UBXN6: variants seen among roughly 807,000 people sequenced by gnomAD.
The protein encoded by UBXN6 is UBX domain protein 6, also known as UBX domain-containing protein 6.
UBXN6 carries 44 observed loss-of-function variants against 51.4 expected under a neutral mutation model. The observed-to-expected ratio is 0.86, with a 90% CI of 0.67 to 1.10. The LOEUF is 1.10. Ranked by LOEUF, UBXN6 falls within the 50% of genes least tolerant of loss-of-function variation. The pLI is 0.00. For missense variants in UBXN6, 672 were observed against 596.1 expected (o/e 1.13, Z -1.32); for synonymous variants, 316 against 263.2 (o/e 1.20, Z -1.94).
At chr19:4,455,220 C>G in intron 1 of UBXN6, 1 of 985,540 alleles carries the variant, frequency 1.0e-6, no homozygotes, top group Non-Finnish European at 1.2e-6. Context: ...CATGAACTTA[C>G]GGGCTGTGTC....
intron 6 of UBXN6, chr19:4,447,168 C>G: frequency 1.7e-6 from 1 of 593,058 alleles, no homozygotes; most frequent in East Asian, 2.8e-5. Flanking sequence ...GCTGAGGAGC[C>G]AGACACTGCT....
chr19:4,449,699 A>G (rs1974615430), intron 4 of UBXN6: 1 of 152,316 alleles, frequency 6.6e-6, no homozygotes, highest in Admixed American at 6.5e-5. Flanking sequence ...ACGAAGGAAC[A>G]GCAGCCAGGA....
chr19:4,453,197 G>A (rs1974683363), intron 3 of UBXN6, among the ~76,000 whole-genome samples: 1 of 152,160 alleles, frequency 6.6e-6, no homozygotes, highest in South Asian at 2.1e-4. Context: ...AACTGCATCT[G>A]CCCTTAAGGG....
Position 4,453,994 on chromosome 19 carries a change from G to C in UBXN6, c.183C>G (p.Ala61=). The C allele has an allele frequency of 1.2e-6, 2 of 1,610,406 alleles. No homozygotes were observed. Among genetic ancestry groups the C allele is most frequent in the South Asian group, 1.1e-5 (1 of 90,956 alleles). The change falls in exon 2 of 11, where the codon GCC becomes GCG. Residue 61 remains alanine, a synonymous_variant. Transcript: ENST00000301281. The part of the protein sequence containing the change: ...EAQMAAAAAL[A]RLEQKQSRAW... ...CCCGGGACTGCTTCTGCTCCAGCCGGGCTAGGGCGGCAGCGGCTGCCATCT... is the reference window on the plus strand; with the variant it reads ...CCCGGGACTGCTTCTGCTCCAGCCGCGCTAGGGCGGCAGCGGCTGCCATCT...
chr19:4,447,767 G>A, intron 5 of UBXN6, 142 bp from the exon 6 acceptor site: 1 of 789,202 alleles, frequency 1.3e-6, no homozygotes, highest in East Asian at 2.6e-5. Context: ...CGCGAGGGCA[G>A]CAGACCATCT....
intron 4 of UBXN6, among the ~76,000 whole-genome samples, chr19:4,451,662 A>G (rs1974655812): frequency 6.6e-6 from 1 of 151,658 alleles, no homozygotes; most frequent in Admixed American, 6.6e-5. Flanking sequence ...TTTGAGATGG[A>G]GTTTTGCTCT....
rs141958598 is a variant in UBXN6, at chr19:4,454,951, G to C, written c.84-858C>G. 1.6e-3 allele frequency: 252 copies of C among 152,934 alleles called. 1 individual carries two copies. Among genetic ancestry groups the C allele is most frequent in the Non-Finnish European group, 2.6e-3 (179 of 68,576 alleles). 9.5% of individuals were successfully genotyped at this position (152,934 alleles called of 1,614,324 possible). ...AGGAAGTCCGGGCGATGTGCCCCATGCCACGCCACCCTCGTGGCGGGACCC... is the reference window on the plus strand; with the variant it reads ...AGGAAGTCCGGGCGATGTGCCCCATCCCACGCCACCCTCGTGGCGGGACCC... On this transcript the variant is annotated intron_variant, in intron 1 of 10. Coordinates refer to ENST00000301281, the MANE Select transcript of UBXN6 (RefSeq NM_025241.3).
In UBXN6 at chr19:4,445,473, G is replaced by C. The variant is rs370440061; in HGVS notation, c.*25C>G. ...GGGAGAGCATGAGACAGACCCACAGGGCTGAGGCCAACCCTGCTTTTATTT... is the reference window on the plus strand; with the variant it reads ...GGGAGAGCATGAGACAGACCCACAGCGCTGAGGCCAACCCTGCTTTTATTT... On this transcript the variant is annotated 3_prime_UTR_variant, in exon 11 of 11. Coordinates refer to ENST00000301281, the MANE Select transcript of UBXN6 (RefSeq NM_025241.3). 4 of 1,613,416 alleles carry C rather than the reference G, an allele frequency of 2.5e-6. No homozygotes were observed. The highest frequency in any genetic ancestry group is 3.4e-6 in the Non-Finnish European group (4 of 1,179,868).
Position 4,446,088 on chromosome 19 carries a change from C to T in UBXN6, c.1161G>A (p.Leu387=). Residue 387 remains leucine (L), a synonymous_variant, in exon 10 of 11, where the codon CTG becomes CTA. Transcript: ENST00000301281. ...FELLASGGQK[L]SEDENLALNE... ...TCAAGGCCAGGTTCTCGTCCTCGGA[C>T]AGCTTCTGCCCTCCCGAGGCCAGCA... 1 of 1,612,780 alleles carries T rather than the reference C, an allele frequency of 6.2e-7. No individual in the cohort carries two copies. Among genetic ancestry groups the T allele is most frequent in the Non-Finnish European group, 8.5e-7 (1 of 1,179,868 alleles).
chr19:4,457,262 C>G (rs907813996), intron 1 of UBXN6, among the ~76,000 whole-genome samples: 1 of 151,488 alleles, frequency 6.6e-6, no homozygotes, highest in East Asian at 2.0e-4. Flanking sequence ...CTGCCTACAG[C>G]CCCGTCGCCC....
At chr19:4,445,656 G>T (rs201865786) in intron 10 of UBXN6, 33 bp from the exon 11 acceptor site, 5 of 1,597,548 alleles carry the variant, frequency 3.1e-6, no homozygotes, top group Non-Finnish European at 4.3e-6. Context: ...CTCTGAGACC[G>T]AGAGTCGGCC....
At chr19:4,447,174 C>A (rs1974551333) in intron 6 of UBXN6, 2 of 590,408 alleles carry the variant, frequency 3.4e-6, no homozygotes, top group South Asian at 4.1e-5. Context: ...GAGCCAGACA[C>A]TGCTGGGGCC....
At chr19:4,447,711 T>G in intron 5 of UBXN6, 86 bp from the exon 6 acceptor site, 2 of 1,367,772 alleles carry the variant, frequency 1.5e-6, no homozygotes, top group Non-Finnish European at 2.1e-6. Flanking sequence ...TAACAGCAGC[T>G]CAGCCACACT....
chr19:4,447,765 C>T (rs570926880), intron 5 of UBXN6, 140 bp from the exon 6 acceptor site: 1 of 801,292 alleles, frequency 1.2e-6, no homozygotes, highest in African/African-American at 1.7e-5. Flanking sequence ...GACGCGAGGG[C>T]AGCAGACCAT....
At chr19:4,453,637 C>T (rs1260731300) in intron 2 of UBXN6, 115 bp from the exon 3 acceptor site, 5 of 1,290,980 alleles carry the variant, frequency 3.9e-6, no homozygotes, top group Non-Finnish European at 5.4e-6. Context: ...CCGCCCCAGC[C>T]TGCTTCTGCT....
chr19:4,446,383 C>A lies in UBXN6; in HGVS notation c.951G>T (p.Leu317=). 6.3e-7 allele frequency: 1 copy of A among 1,576,656 alleles called. No homozygotes were observed. Among genetic ancestry groups the A allele is most frequent in the Non-Finnish European group, 8.6e-7 (1 of 1,168,318 alleles). The change falls in exon 9 of 11, where the codon CTG becomes CTT. Residue 317 remains leucine, a synonymous_variant. Coordinates refer to ENST00000301281, the MANE Select transcript of UBXN6 (RefSeq NM_025241.3). The part of the protein sequence containing the change: ...RSEAVERLSV[L]RTKAMREKEE... ...CCTTCTCCCGCATGGCCTTGGTCCG[C>A]AGCACGCTCAGCCGCTCCACCGCCT...
chr19:4,457,149 G>A (rs909580408), intron 1 of UBXN6, among the ~76,000 whole-genome samples: 8 of 151,732 alleles, frequency 5.3e-5, no homozygotes, highest in African/African-American at 1.7e-4. Flanking sequence ...AAATCATCCC[G>A]GCCTCTTCGG....
chr19:4,448,483 G>C, intron 4 of UBXN6, 68 bp from the exon 5 acceptor site: 1 of 1,301,208 alleles, frequency 7.7e-7, no homozygotes, highest in Non-Finnish European at 1.1e-6. Flanking sequence ...CGCTGCCCAG[G>C]TAACAGGGGC....
At chr19:4,448,138 C>G in intron 5 of UBXN6, 180 bp downstream of exon 5, 1 of 616,452 alleles carries the variant, frequency 1.6e-6, no homozygotes, top group Admixed American at 2.9e-5. Context: ...AAACTGAGGC[C>G]CAAGGAGGCC....
Sources: allele counts gnomAD v4.1 joint callset (sites outside exome capture counted in the v4.1 genomes callset), GRCh38; gene constraint gnomAD v4.1.1; transcripts MANE v1.5; gene names NCBI Gene and HGNC (gene_info 2026-07-23, HGNC 2026-07-21).